Variants in PJA1 observed in about 807,000 individuals in gnomAD.
PJA1 encodes the protein praja ring finger ubiquitin ligase 1.
In PJA1, 5 loss-of-function variants were observed where a neutral mutation model predicts 14.1. The ratio of observed to expected loss-of-function variants is 0.35; its 90% CI spans 0.18 to 0.74. PJA1 has a LOEUF of 0.74. PJA1 is among the 30% of genes least tolerant of loss of function. PJA1 has a pLI of 0.56. For missense variants in PJA1, 394 were observed against 482.6 expected (o/e 0.82, Z 1.72); for synonymous variants, 174 against 190.9 (o/e 0.91, Z 0.73).
In PJA1 at chrX:69,163,125, C is replaced by G; in HGVS notation, c.-52G>C. On this transcript the variant is annotated 5_prime_UTR_variant, in exon 2 of 2. Transcript: ENST00000374571. ...GGCTGGCAATCCTTTCCCGCTGGCT[C>G]GTGGGTGGCCTGAAACTGACATAAG... 1.7e-6 allele frequency: 2 copies of G among 1,210,868 alleles called. No homozygotes were observed. The highest frequency in any genetic ancestry group is 1.7e-5 in the African/African-American group (1 of 57,452).
In PJA1 at chrX:69,162,263, GT is replaced by G; in HGVS notation, c.810del (p.Lys270AsnfsTer9). ...TTCACTTGGTCACTCCTCGCTTCCC[GT>G]TTGTCTTCAGGGTACTTTGGCTCGG... Reference protein sequence around the residue: ...GYPEPKYPEDKREARSDQVKP... With the variant: ...GYPEPKYPEDXREARSDQVKP... On this transcript the variant is annotated frameshift_variant, in exon 2 of 2. Transcript: ENST00000374571. LOFTEE classifies it low-confidence loss of function (END_TRUNC). 2.5e-6 allele frequency: 3 copies of G among 1,210,755 alleles called. No individual in the cohort carries two copies. The highest frequency in any genetic ancestry group is 3.4e-6 in the Non-Finnish European group (3 of 895,274).
At position 69,164,288 on chromosome X, in the gene PJA1, T is replaced by TGTGCACCTCAGG. The variant is rs1433014206; in HGVS notation, c.-68+1072_-68+1083dup. Among the ~76,000 whole-genome samples the TGTGCACCTCAGG allele has an allele frequency of 6.4e-5, 7 of 108,691 alleles. No individual in the cohort carries two copies. The Admixed American group carries it at 6.8e-4, about 11-fold the overall frequency. The allele number at this position is 108,691 out of a possible 115,157, so 94.4% of individuals were successfully genotyped here. A position where few individuals can be genotyped will look rare whatever the true frequency, so the allele number is the denominator to read the frequency against. On this transcript the variant is annotated intron_variant, in intron 1 of 1. Coordinates refer to ENST00000374571, the MANE Select transcript of PJA1 (RefSeq NM_001032396.4). ...AGAAGGATTTATGTGAGTGCGAGTG[T>TGTGCACCTCAGG]GTGCACCTCAGGGACCAGCAAAAGA...
Position 69,162,288 on chromosome X carries a change from G to A in PJA1, c.786C>T (p.Pro262=), listed in dbSNP as rs144582693. 2.0e-4 allele frequency: 238 copies of A among 1,208,376 alleles called. 1 individual carries two copies. Among genetic ancestry groups the A allele is most frequent in the Non-Finnish European group, 2.6e-4 (230 of 894,804 alleles). The change falls in exon 2 of 2, where the codon CCC becomes CCT. Residue 262 remains proline (P), a synonymous_variant. Transcript: ENST00000374571. ...GTTTGTCTTCAGGGTACTTTGGCTC[G>A]GGATAGCCACTTGAACTCTCGCCTC... The part of the protein sequence containing the change: ...RGRGESSSGY[P]EPKYPEDKRE...
chrX:69,164,423 A>T (rs1925193420), intron 1 of PJA1, among the ~76,000 whole-genome samples: 1 of 109,470 alleles, frequency 9.1e-6, no homozygotes, highest in Non-Finnish European at 1.9e-5. Context: ...CAGCGATAGA[A>T]GGATGTCCTT....
intron 1 of PJA1, chrX:69,163,545 C>T (rs758836869): frequency 5.5e-5 from 15 of 270,323 alleles, no homozygotes; most frequent in Non-Finnish European, 8.8e-5. Flanking sequence ...GAGAATCTGA[C>T]GGAAGGTTGG....
chrX:69,164,887 AATT>A lies in PJA1; in HGVS notation c.-68+482_-68+484del, dbSNP rs1197963512. On this transcript the variant is annotated intron_variant, in intron 1 of 1. Transcript: ENST00000374571. ...CGTGGGTCTAGTTTTCCCTGAGAAT[AATT>A]ATTTTTTCCTTCCAATTTTTTCCCT... 2.7e-5 allele frequency among the ~76,000 whole-genome samples: 3 copies of A among 111,414 alleles called. No homozygotes were observed. In the Admixed American group the frequency reaches 2.8e-4, roughly 11 times the overall value.
chrX:69,162,350 T>C lies in PJA1; in HGVS notation c.724A>G (p.Asn242Asp). ...GCCAGGCCATCCGAGTGGCCCTCAT[T>C]GTCATTGGCGGTATCCCTCCACCTG... ...TSRWRDTAND[N>D]EGHSDGLARR... The change falls in exon 2 of 2, where the codon AAT becomes GAT. Residue 242 changes from asparagine (N) to aspartate (D), a missense_variant. Around this residue, in one of 2 missense-constraint regions of PJA1, gnomAD observed 378 missense variants for 439.3 expected, o/e 0.86. Transcript: ENST00000374571. The C allele has an allele frequency of 8.3e-7, 1 of 1,211,251 alleles. No individual in the cohort carries two copies. The highest frequency in any genetic ancestry group is 1.1e-6 in the Non-Finnish European group (1 of 895,403).
Position 69,161,316 on chromosome X carries a change from G to A in PJA1, c.1758C>T (p.Pro586=). 8.5e-7 allele frequency: 1 copy of A among 1,172,266 alleles called. No individual in the cohort carries two copies. Among genetic ancestry groups the A allele is most frequent in the South Asian group, 2.0e-5 (1 of 50,172 alleles). The part of the protein sequence containing the change: ...TCPVCRCMFP[P]PL ...TAAACGGCCTTGGTCTTTAGAGTGG[G>A]GGAGGGAACATGCAGCGGCACACGG... Residue 586 remains proline, a synonymous_variant, in exon 2 of 2, where the codon CCC becomes CCT. Transcript: ENST00000374571.
chrX:69,162,678 T>C lies in PJA1; in HGVS notation c.396A>G (p.Ala132=). 1.7e-6 allele frequency: 2 copies of C among 1,209,645 alleles called. No individual in the cohort carries two copies. The highest frequency in any genetic ancestry group is 3.0e-5 in the East Asian group (1 of 33,805). Reference sequence around the variant, plus strand: ...CAGCTCTGCTAGCTGAGCATCTTGCTGCAGGGACTGGGTCTAACTTGTCTC... The same window carrying C: ...CAGCTCTGCTAGCTGAGCATCTTGCCGCAGGGACTGGGTCTAACTTGTCTC... ...EERDKLDPVP[A]ARCSASRADF... is the part of the protein sequence containing the mutation. The change falls in exon 2 of 2, where the codon GCA becomes GCG. Residue 132 remains alanine (A), a synonymous_variant. Coordinates refer to ENST00000374571, the MANE Select transcript of PJA1 (RefSeq NM_001032396.4).
Position 69,162,413 on chromosome X carries a change from C to A in PJA1, c.661G>T (p.Asp221Tyr), listed in dbSNP as rs765843190. 6.6e-6 allele frequency: 8 copies of A among 1,208,575 alleles called. No individual in the cohort carries two copies. Among genetic ancestry groups the A allele is most frequent in the Non-Finnish European group, 8.9e-6 (8 of 894,917 alleles). ...PNCVKPKIFF[D>Y]TDDDDDMPHS... ...GGCATATCGTCATCATCATCAGTAT[C>A]AAAAAAAATTTTTGGTTTCACGCAG... The change falls in exon 2 of 2, where the codon GAT becomes TAT. Residue 221 changes from aspartate to tyrosine, a missense_variant. Around this residue, in one of 2 missense-constraint regions of PJA1, gnomAD observed 378 missense variants for 439.3 expected, o/e 0.86. Coordinates refer to ENST00000374571, the MANE Select transcript of PJA1 (RefSeq NM_001032396.4).
Position 69,161,963 on chromosome X carries a change from C to CGGCACT in PJA1, c.1105_1110dup (p.Ser369_Ala370dup), listed in dbSNP as rs774242666. The stretch of plus-strand genomic sequence containing the variant: ...CCAGCACTGGCCCCGGCGCCAGCCC[C>CGGCACT]GGCACTGGCACTAGCACCGGGGCCA... On this transcript the variant is annotated inframe_insertion, in exon 2 of 2. Transcript: ENST00000374571. The CGGCACT allele has an allele frequency of 3.6e-5, 44 of 1,207,422 alleles. No individual in the cohort carries two copies. Among genetic ancestry groups the CGGCACT allele is most frequent in the Non-Finnish European group, 4.9e-5 (44 of 894,346 alleles).
In PJA1 at chrX:69,161,295, C is replaced by T. The variant is rs748368790; in HGVS notation, c.*12G>A. 10 of 1,145,662 alleles carry T rather than the reference C, an allele frequency of 8.7e-6. No homozygotes were observed. The South Asian group carries it at 1.7e-4, about 20-fold the overall frequency. The allele number at this position is 1,145,662 out of a possible 1,213,427, so 94.4% of individuals were successfully genotyped here. On this transcript the variant is annotated 3_prime_UTR_variant, in exon 2 of 2. Transcript: ENST00000374571. ...GGAAAATAATCAGACCAGGAGTAAA[C>T]GGCCTTGGTCTTTAGAGTGGGGGAG...
rs750127716 is a variant in PJA1, at chrX:69,161,439, G to A, written c.1635C>T (p.Ser545=). 29 of 1,209,732 alleles carry A rather than the reference G, an allele frequency of 2.4e-5. No homozygotes were observed. Among genetic ancestry groups the A allele is most frequent in the East Asian group, 2.4e-4 (8 of 33,726 alleles). The change falls in exon 2 of 2, where the codon AGC becomes AGT. Residue 545 remains serine (S), a synonymous_variant. Coordinates refer to ENST00000374571, the MANE Select transcript of PJA1 (RefSeq NM_001032396.4). ...TTGCCACCTCCCCCTTCACATATTCGCTACAGCAGATGGGGCAGCACATCT... is the reference window on the plus strand; with the variant it reads ...TTGCCACCTCCCCCTTCACATATTCACTACAGCAGATGGGGCAGCACATCT... The part of the protein sequence containing the change: ...GQEMCCPICC[S]EYVKGEVATE...
In PJA1 at chrX:69,161,314, G is replaced by T; in HGVS notation, c.1760C>A (p.Pro587Gln). The T allele has an allele frequency of 8.5e-7, 1 of 1,170,871 alleles. No homozygotes were observed. The change falls in exon 2 of 2, where the codon CCA becomes CAA. Residue 587 changes from proline (P) to glutamine (Q), a missense_variant. By Grantham distance (76) the Pro-to-Gln change is moderately conservative. Around this residue, in one of 2 missense-constraint regions of PJA1, gnomAD observed 16 missense variants for 43.3 expected, o/e 0.37. Coordinates refer to ENST00000374571, the MANE Select transcript of PJA1 (RefSeq NM_001032396.4). ...AGTAAACGGCCTTGGTCTTTAGAGT[G>T]GGGGAGGGAACATGCAGCGGCACAC... ...CPVCRCMFPPPL is the reference protein window; with the variant it reads ...CPVCRCMFPPQL
Position 69,162,390 on chromosome X carries a change from C to G in PJA1, c.684G>C (p.Met228Ile). 8.3e-7 allele frequency: 1 copy of G among 1,210,957 alleles called. No homozygotes were observed. Residue 228 changes from methionine to isoleucine, a missense_variant, in exon 2 of 2, where the codon ATG (methionine) becomes ATC (isoleucine). This residue lies in a region of PJA1 where 378 missense variants were observed against 439.3 expected (regional missense o/e 0.86). Coordinates refer to ENST00000374571, the MANE Select transcript of PJA1 (RefSeq NM_001032396.4). ...CCCTCCACCTGGAAGTACTGTGTGG[C>G]ATATCGTCATCATCATCAGTATCAA... ...IFFDTDDDDD[M>I]PHSTSRWRDT... is the part of the protein sequence containing the mutation.
At position 69,161,717 on chromosome X, in the gene PJA1, C is replaced by T; in HGVS notation, c.1357G>A (p.Glu453Lys). 2.5e-6 allele frequency: 3 copies of T among 1,211,663 alleles called. No homozygotes were observed. The highest frequency in any genetic ancestry group is 3.4e-6 in the Non-Finnish European group (3 of 895,521). ...CCATCAAAGAGGCTCCAATCCACTT[C>T]TAGGTCTTCGCTCACACTGGAGTCA... Reference protein sequence around the residue: ...EDDSSVSEDLEVDWSLFDGFA... With the variant: ...EDDSSVSEDLKVDWSLFDGFA... The change falls in exon 2 of 2, where the codon GAA becomes AAA. Residue 453 changes from glutamate to lysine, a missense_variant. Around this residue, in one of 2 missense-constraint regions of PJA1, gnomAD observed 378 missense variants for 439.3 expected, o/e 0.86. Transcript: ENST00000374571.
In PJA1 at chrX:69,163,147, T is replaced by C; in HGVS notation, c.-67-7A>G. On this transcript the variant is annotated splice_region_variant and splice_polypyrimidine_tract_variant and intron_variant, in intron 1 of 1. Coordinates refer to ENST00000374571, the MANE Select transcript of PJA1 (RefSeq NM_001032396.4). ...GCTCGTGGGTGGCCTGAAACTGACA[T>C]AAGCATGCCTTCTTCCATACCTCCT... is the stretch of plus-strand genomic sequence containing the variant. 8.3e-7 allele frequency: 1 copy of C among 1,210,883 alleles called. No individual in the cohort carries two copies. The highest frequency in any genetic ancestry group is 1.1e-6 in the Non-Finnish European group (1 of 895,365).
In PJA1 at chrX:69,161,178, A is replaced by G; in HGVS notation, c.*129T>C. On this transcript the variant is annotated 3_prime_UTR_variant, in exon 2 of 2. Coordinates refer to ENST00000374571, the MANE Select transcript of PJA1 (RefSeq NM_001032396.4). ...TGTTTTCACATTGGAAATAATCACG[A>G]GGAATCAATAGGTTTAGGCTAACTG... The G allele has an allele frequency of 1.1e-6, 1 of 914,247 alleles. No individual in the cohort carries two copies. Among genetic ancestry groups the G allele is most frequent in the Non-Finnish European group, 1.4e-6 (1 of 693,816 alleles). 75.3% of individuals were successfully genotyped at this position (914,247 alleles called of 1,213,427 possible).
intron 1 of PJA1, among the ~76,000 whole-genome samples, chrX:69,164,642 A>G (rs1015699096): frequency 2.0e-5 from 2 of 100,080 alleles, no homozygotes; most frequent in Admixed American, 1.1e-4. Flanking sequence ...GTGCCTGCGC[A>G]TGCGCGGGGG....
Sources: allele counts gnomAD v4.1 joint callset (sites outside exome capture counted in the v4.1 genomes callset), GRCh38; gene constraint gnomAD v4.1.1; regional missense constraint gnomAD v4.1.1; transcripts MANE v1.5; gene names NCBI Gene and HGNC (gene_info 2026-07-23, HGNC 2026-07-21).